AMN1: variants seen among roughly 807,000 people sequenced by gnomAD.
AMN1 encodes antagonist of mitotic exit network 1 homolog.
AMN1 carries 20 observed loss-of-function variants against 33.0 expected under a neutral mutation model. That is an observed-to-expected ratio of 0.61 (90% CI 0.43 to 0.88). The LOEUF (loss-of-function observed/expected upper bound fraction) is 0.88, where lower values mean the gene tolerates loss of function less well. AMN1 is among the 40% of genes least tolerant of loss of function. AMN1 has a pLI of 0.00. For missense variants in AMN1, 246 were observed against 307.4 expected (o/e 0.80, Z 1.49); for synonymous variants, 114 against 111.9 (o/e 1.02, Z -0.12).
intron 1 of AMN1, chr12:31,715,613 G>A (rs867428259): frequency 2.5e-5 from 4 of 157,330 alleles, no homozygotes; most frequent in Middle Eastern, 1.9e-3. Flanking sequence ...TCTTTCTTCT[G>A]AAGCTTCTGA....
At position 31,697,374 on chromosome 12, in the gene AMN1, G is replaced by A. The variant is rs771707923; in HGVS notation, c.578C>T (p.Ala193Val). ...TTTTAAAATTACCTCTAATTTCTTC[G>A]CACAAGGTCCACTAACAAGTGCAAT... Reference protein sequence around the residue: ...GVIALVSGPCAKKLEEIHMGH... With the variant: ...GVIALVSGPCVKKLEEIHMGH... Residue 193 changes from alanine (A) to valine (V), a missense_variant, in exon 5 of 7, where the codon GCG becomes GTG. Physicochemically the swap from Ala to Val is moderately conservative, Grantham distance 64 (BLOSUM62 0). Transcript: ENST00000281471. 18 of 1,609,570 alleles carry A rather than the reference G, an allele frequency of 1.1e-5. No individual in the cohort carries two copies. The highest frequency in any genetic ancestry group is 3.3e-5 in the South Asian group (3 of 90,320).
chr12:31,692,901 T>C (rs929574508), intron 5 of AMN1, among the ~76,000 whole-genome samples: 9 of 152,288 alleles, frequency 5.9e-5, no homozygotes, highest in Non-Finnish European at 1.0e-4. Flanking sequence ...AAGAATGTGA[T>C]AACATTTATT....
chr12:31,714,187 T>C (rs1039454566), intron 1 of AMN1, among the ~76,000 whole-genome samples: 3 of 152,192 alleles, frequency 2.0e-5, no homozygotes, highest in African/African-American at 4.8e-5. Flanking sequence ...TTATAGCTTT[T>C]ACGGCAGGAA....
chr12:31,723,895 C>T (rs1302055166), intron 1 of AMN1, among the ~76,000 whole-genome samples: 1 of 152,202 alleles, frequency 6.6e-6, no homozygotes, highest in African/African-American at 2.4e-5. Flanking sequence ...CAGTGACCCA[C>T]ACCAGTCAAG....
At chr12:31,719,436 T>A in intron 1 of AMN1, 2 of 321,856 alleles carry the variant, frequency 6.2e-6, no homozygotes, top group Non-Finnish European at 4.5e-6. Flanking sequence ...GAAGTAAAAA[T>A]ATATACAATT....
intron 3 of AMN1, among the ~76,000 whole-genome samples, chr12:31,700,925 G>A (rs1190954443): frequency 1.3e-5 from 2 of 151,822 alleles, no homozygotes; most frequent in African/African-American, 2.4e-5. Flanking sequence ...TCCTGACCTC[G>A]TGATCCACCC....
At chr12:31,720,725 T>C (rs1437014961) in intron 1 of AMN1, among the ~76,000 whole-genome samples, 2 of 152,220 alleles carry the variant, frequency 1.3e-5, no homozygotes, top group African/African-American at 2.4e-5. Flanking sequence ...TTATCCACAT[T>C]GTAGTATGTA....
intron 1 of AMN1, among the ~76,000 whole-genome samples, chr12:31,725,919 G>A (rs1159931226): frequency 2.0e-5 from 3 of 152,042 alleles, no homozygotes; most frequent in East Asian, 1.9e-4. Flanking sequence ...GGCTGGTCTC[G>A]AACTCCTGAC....
At chr12:31,693,657 C>T (rs1207150763) in intron 5 of AMN1, among the ~76,000 whole-genome samples, 1 of 151,904 alleles carries the variant, frequency 6.6e-6, no homozygotes, top group Non-Finnish European at 1.5e-5. Flanking sequence ...ATTCTCCTGC[C>T]TCAGCCTCCT....
At chr12:31,692,013 G>A (rs1938520081) in intron 5 of AMN1, among the ~76,000 whole-genome samples, 2 of 152,030 alleles carry the variant, frequency 1.3e-5, no homozygotes, top group Admixed American at 1.3e-4. Context: ...AAGTAGCTGG[G>A]ATTACAGGCA....
chr12:31,680,951 G>A (rs182198396), intron 6 of AMN1, among the ~76,000 whole-genome samples: 41 of 152,058 alleles, frequency 2.7e-4, no homozygotes, highest in African/African-American at 9.9e-4. Flanking sequence ...TATCTTCCTT[G>A]GAAAAAGAAG....
intron 2 of AMN1, among the ~76,000 whole-genome samples, chr12:31,708,357 T>C (rs2139706801): frequency 6.6e-6 from 1 of 152,250 alleles, no homozygotes; most frequent in African/African-American, 2.4e-5. Context: ...AGGACTGAGA[T>C]ACACCCTGGT....
chr12:31,702,639 A>G (rs1339363303), intron 2 of AMN1, among the ~76,000 whole-genome samples: 1 of 152,040 alleles, frequency 6.6e-6, no homozygotes, highest in Non-Finnish European at 1.5e-5. Context: ...TAAAACACTC[A>G]GACAATTTAG....
At chr12:31,706,561 C>T (rs1292550935) in intron 2 of AMN1, among the ~76,000 whole-genome samples, 1 of 152,050 alleles carries the variant, frequency 6.6e-6, no homozygotes, top group Non-Finnish European at 1.5e-5. Flanking sequence ...ACACAAATAG[C>T]AAAAATACAA....
intron 1 of AMN1, among the ~76,000 whole-genome samples, chr12:31,717,742 T>C (rs1053493449): frequency 1.3e-5 from 2 of 152,130 alleles, no homozygotes; most frequent in South Asian, 2.1e-4. Context: ...CTGAGATACA[T>C]GTGCAGAACA....
chr12:31,675,620 G>A (rs960671015), intron 6 of AMN1, among the ~76,000 whole-genome samples: 7 of 150,932 alleles, frequency 4.6e-5, no homozygotes, highest in African/African-American at 1.2e-4. Context: ...TCAGCCTCCC[G>A]AGTAGCTGGG....
intron 6 of AMN1, among the ~76,000 whole-genome samples, chr12:31,674,270 C>T (rs756206135): frequency 3.9e-5 from 6 of 151,932 alleles, no homozygotes; most frequent in Non-Finnish European, 8.8e-5. Flanking sequence ...TAGCCGAGCA[C>T]TGTGGCATGC....
intron 2 of AMN1, among the ~76,000 whole-genome samples, chr12:31,703,747 A>T (rs190127343): frequency 6.6e-6 from 1 of 152,208 alleles, no homozygotes; most frequent in African/African-American, 2.4e-5. Context: ...TTGTGGTTGT[A>T]TATTATTCCA....
chr12:31,718,024 TTCC>T (rs755472211), intron 1 of AMN1, among the ~76,000 whole-genome samples: 1 of 152,172 alleles, frequency 6.6e-6, no homozygotes, highest in Non-Finnish European at 1.5e-5. Flanking sequence ...TCCAACGTGG[TTCC>T]ATTCTCTCAA....
Sources: gnomAD v4.1 joint callset for allele counts (sites outside exome capture counted in the v4.1 genomes callset) on GRCh38, gnomAD v4.1.1 for gene constraint, MANE v1.5 for transcripts, NCBI Gene and HGNC (gene_info 2026-07-23, HGNC 2026-07-21) for gene names.